The following RUNX1T1 variants were observed in gnomAD, a reference collection of about 807,000 sequenced individuals.
The protein encoded by RUNX1T1 is RUNX1 partner transcriptional co-repressor 1.
RUNX1T1 carries 4 observed loss-of-function variants against 62.8 expected under a neutral mutation model. That is an observed-to-expected ratio of 0.06 (90% CI 0.03 to 0.15). The LOEUF (loss-of-function observed/expected upper bound fraction) is 0.15, where lower values mean the gene tolerates loss of function less well. Among genes scored for constraint, RUNX1T1 ranks in the 10% least tolerant of loss-of-function variants. The pLI, the probability that RUNX1T1 is intolerant of heterozygous loss-of-function variation, is 1.00. For synonymous variants in RUNX1T1, 291 were observed against 286.0 expected (o/e 1.02, Z -0.18); for missense variants, 508 against 754.3 (o/e 0.67, Z 3.82).
At chr8:92,001,347 T>A (rs987064544) in intron 5 of RUNX1T1, among the ~76,000 whole-genome samples, 13 of 152,078 alleles carry the variant, frequency 8.5e-5, no homozygotes, top group African/African-American at 3.1e-4. Context: ...TTGGGCAACA[T>A]TGCAGACCAT....
chr8:92,033,120 A>T (rs1171603228), intron 1 of RUNX1T1, among the ~76,000 whole-genome samples: 1 of 152,110 alleles, frequency 6.6e-6, no homozygotes, highest in African/African-American at 2.4e-5. Flanking sequence ...CACAAATTCC[A>T]CTCTTTGGAA....
At chr8:92,063,592 G>A (rs549737163), upstream of RUNX1T1, 1 of 152,212 alleles carries the variant, frequency 6.6e-6, no homozygotes, top group South Asian at 2.1e-4. Flanking sequence ...CTTTGTTATA[G>A]TGCTTTATCT....
At chr8:92,092,834 T>C (rs980995084) in intron 1 of RUNX1T1, among the ~76,000 whole-genome samples, 2 of 152,154 alleles carry the variant, frequency 1.3e-5, no homozygotes, top group Admixed American at 6.5e-5. Flanking sequence ...AGGCAAGAGA[T>C]TGTCAGAATA....
chr8:91,989,247 G>C (rs1817182238), intron 6 of RUNX1T1, among the ~76,000 whole-genome samples: 1 of 152,170 alleles, frequency 6.6e-6, no homozygotes, highest in African/African-American at 2.4e-5. Context: ...AATCGTACCA[G>C]ACTAAGTATA....
intron 5 of RUNX1T1, among the ~76,000 whole-genome samples, chr8:91,995,456 C>G (rs983347619): frequency 1.3e-5 from 2 of 152,178 alleles, no homozygotes; most frequent in Non-Finnish European, 1.5e-5. Flanking sequence ...AAAAGCTCAT[C>G]ACCTCATAAG....
At chr8:92,081,131 G>T in intron 1 of RUNX1T1, 1 of 221,332 alleles carries the variant, frequency 4.5e-6, no homozygotes, top group Non-Finnish European at 7.6e-6. Context: ...CCTTGGACAA[G>T]TCACTTAACC....
chr8:91,975,699 A>G (rs1813775540), intron 9 of RUNX1T1, among the ~76,000 whole-genome samples: 1 of 152,192 alleles, frequency 6.6e-6, no homozygotes, highest in Non-Finnish European at 1.5e-5. Context: ...AGATGTTACT[A>G]AAATAAAAAT....
At chr8:92,056,118 A>G (rs1020479565) in intron 1 of RUNX1T1, among the ~76,000 whole-genome samples, 18 of 152,246 alleles carry the variant, frequency 1.2e-4, no homozygotes, top group Admixed American at 4.6e-4. Flanking sequence ...CCTGAGAATC[A>G]TTAAAGCAAA....
intron 7 of RUNX1T1, 65 bp downstream of exon 8, chr8:91,986,822 C>T: frequency 1.9e-6 from 2 of 1,028,902 alleles, no homozygotes; most frequent in Admixed American, 1.7e-5. Flanking sequence ...TTTATTTTAT[C>T]ACATAACCTC....
intron 2 of RUNX1T1, chr8:92,071,132 CAA>C (rs961687417): frequency 3.3e-5 from 5 of 152,242 alleles, no homozygotes; most frequent in African/African-American, 1.2e-4. Context: ...CCAGCTTCGT[CAA>C]AGAGTATGGC....
chr8:91,965,567 T>G (rs1811402786), intron 10 of RUNX1T1, among the ~76,000 whole-genome samples: 1 of 152,172 alleles, frequency 6.6e-6, no homozygotes, highest in Non-Finnish European at 1.5e-5. Context: ...CTGAGCTTTG[T>G]GCTCCTATTT....
chr8:92,094,497 T>TC (rs2130927979), intron 1 of RUNX1T1, among the ~76,000 whole-genome samples: 1 of 152,312 alleles, frequency 6.6e-6, no homozygotes, highest in African/African-American at 2.4e-5. Flanking sequence ...GATTTTTTTT[T>TC]CTCCTCTAGG....
intron 1 of RUNX1T1, among the ~76,000 whole-genome samples, chr8:92,089,572 A>G (rs924516121): frequency 1.3e-5 from 2 of 152,082 alleles, no homozygotes; most frequent in East Asian, 3.9e-4. Flanking sequence ...CATCCACCTC[A>G]GCCCCTAGCC....
chr8:91,965,908 T>C (rs958076980), intron 10 of RUNX1T1, among the ~76,000 whole-genome samples: 100 of 152,066 alleles, frequency 6.6e-4, no homozygotes, highest in Admixed American at 3.8e-3. Context: ...AAGGTGACTT[T>C]TCTTTTAATA....
chr8:92,094,504 T>C (rs1373380174), intron 1 of RUNX1T1, among the ~76,000 whole-genome samples: 1 of 152,198 alleles, frequency 6.6e-6, no homozygotes, highest in Non-Finnish European at 1.5e-5. Context: ...TTTTCTCCTC[T>C]AGGCTGAGTT....
At chr8:91,989,352 C>A (rs960404085) in intron 6 of RUNX1T1, among the ~76,000 whole-genome samples, 5 of 152,142 alleles carry the variant, frequency 3.3e-5, no homozygotes, top group Non-Finnish European at 7.4e-5. Context: ...CATTAACACA[C>A]ACTAAACTCT....
At chr8:92,094,924 A>G (rs1837563791) in intron 1 of RUNX1T1, 6 of 797,548 alleles carry the variant, frequency 7.5e-6, no homozygotes, top group African/African-American at 1.7e-5. Context: ...TTCAGCGTCC[A>G]GTCAATAAAT....
intron 1 of RUNX1T1, among the ~76,000 whole-genome samples, chr8:92,033,560 T>A (rs1826664096): frequency 6.6e-6 from 1 of 152,296 alleles, no homozygotes; most frequent in African/African-American, 2.4e-5. Flanking sequence ...TGAGGCGGGC[T>A]GATCACTTGA....
intron 1 of RUNX1T1, among the ~76,000 whole-genome samples, chr8:92,078,425 T>C (rs1015534036): frequency 5.3e-5 from 8 of 152,176 alleles, no homozygotes; most frequent in African/African-American, 1.9e-4. Flanking sequence ...ATAATTGCTT[T>C]GTTCAGATCT....
Sources: gnomAD v4.1 joint callset for allele counts (sites outside exome capture counted in the v4.1 genomes callset) on GRCh38, gnomAD v4.1.1 for gene constraint, MANE v1.5 for transcripts, NCBI Gene and HGNC (gene_info 2026-07-23, HGNC 2026-07-21) for gene names.